Variants in RARB observed in about 807,000 individuals in gnomAD.
The protein encoded by RARB is HBV-activated protein.
RARB carries 17 observed loss-of-function variants against 51.9 expected under a neutral mutation model. The ratio of observed to expected loss-of-function variants is 0.33; its 90% CI spans 0.22 to 0.49. RARB has a LOEUF of 0.49. Ranked by LOEUF, RARB falls within the 20% of genes least tolerant of loss-of-function variation. The probability of loss-of-function intolerance (pLI) is 0.99; values close to 1 mark genes in which losing one functional copy is unlikely to be tolerated. For synonymous variants in RARB, 215 were observed against 195.4 expected (o/e 1.10, Z -0.84); for missense variants, 369 against 550.8 (o/e 0.67, Z 3.30).
chr3:25,007,618 T>C (rs954528548), intron 2 of RARB, among the ~76,000 whole-genome samples: 4 of 67,326 alleles, frequency 5.9e-5, no homozygotes, highest in Admixed American at 3.4e-4. Flanking sequence ...AAAAACCTCA[T>C]ATTTTCTGAA....
chr3:25,001,534 A>G (rs112028165), intron 2 of RARB, among the ~76,000 whole-genome samples: 36 of 152,264 alleles, frequency 2.4e-4, no homozygotes, highest in African/African-American at 8.2e-4. Context: ...GATGTTGGCA[A>G]GCCACCACAG....
chr3:25,240,086 T>G (rs1160313194), intron 5 of RARB, among the ~76,000 whole-genome samples: 1 of 152,058 alleles, frequency 6.6e-6, no homozygotes, highest in Non-Finnish European at 1.5e-5. Context: ...TGTTTGTTTG[T>G]TTTTGTAATT....
intron 1 of RARB, among the ~76,000 whole-genome samples, chr3:25,452,348 A>G (rs1258692495): frequency 6.6e-6 from 1 of 152,180 alleles, no homozygotes; most frequent in East Asian, 1.9e-4. Flanking sequence ...ATATGACAGC[A>G]CTTCCCGTGG....
intron 1 of RARB, among the ~76,000 whole-genome samples, chr3:25,454,007 C>T (rs1694756620): frequency 6.6e-6 from 1 of 152,154 alleles, no homozygotes; most frequent in Non-Finnish European, 1.5e-5. Context: ...TTGCAAAACC[C>T]ATGTGTGTGG....
chr3:25,020,532 C>A (rs1047612801), intron 2 of RARB: 5 of 152,082 alleles, frequency 3.3e-5, no homozygotes, highest in African/African-American at 1.2e-4. Flanking sequence ...TTGGAGAAAG[C>A]AAATTCGTCT....
intron 1 of RARB, among the ~76,000 whole-genome samples, chr3:25,456,761 A>C (rs1046538539): frequency 2.4e-4 from 36 of 149,370 alleles, no homozygotes; most frequent in Non-Finnish European, 4.4e-4. Context: ...AATTTTTCCA[A>C]AGATGATTTT....
intron 2 of RARB, chr3:25,020,165 G>T (rs1254147712): frequency 6.9e-6 from 1 of 145,552 alleles, no homozygotes; most frequent in South Asian, 2.2e-4. Context: ...TTTTATTTGA[G>T]AGAGGTGGGT....
At chr3:25,541,673 A>T (rs1029625660) in intron 3 of RARB, among the ~76,000 whole-genome samples, 1 of 152,214 alleles carries the variant, frequency 6.6e-6, no homozygotes, top group African/African-American at 2.4e-5. Context: ...TGGATATTTT[A>T]GGGAACTTCT....
rs558073352 is a variant in RARB, at chr3:24,853,585, G to A, written c.-458-5089G>A. Among the ~76,000 whole-genome samples the A allele has an allele frequency of 1.8e-4, 28 of 152,260 alleles. No individual in the cohort carries two copies. In the South Asian group the frequency reaches 5.8e-3, roughly 32 times the overall value. ...TACTAACATCTGAACACAATAGAAA[G>A]TCCAGTCAAATGTTAAATGCAAATC... On this transcript the variant is annotated intron_variant, in intron 1 of 11. Transcript: ENST00000383772.
At chr3:25,004,990 G>T (rs1697240402) in intron 2 of RARB, among the ~76,000 whole-genome samples, 1 of 152,042 alleles carries the variant, frequency 6.6e-6, no homozygotes, top group Non-Finnish European at 1.5e-5. Context: ...TAGTCTTGTA[G>T]TCATTCTTGA....
chr3:25,182,829 G>T (rs1426915237), intron 5 of RARB, among the ~76,000 whole-genome samples: 1 of 152,170 alleles, frequency 6.6e-6, no homozygotes, highest in African/African-American at 2.4e-5. Flanking sequence ...TTAAGATGAG[G>T]TTATTAGGGT....
chr3:24,904,447 C>G (rs948115467), intron 2 of RARB, among the ~76,000 whole-genome samples: 1 of 152,080 alleles, frequency 6.6e-6, no homozygotes, highest in Non-Finnish European at 1.5e-5. Context: ...AAATGCAAAT[C>G]AAAACCACAA....
At chr3:25,406,831 G>C (rs1575378111) in intron 5 of RARB, among the ~76,000 whole-genome samples, 1 of 152,112 alleles carries the variant, frequency 6.6e-6, no homozygotes, top group Admixed American at 6.5e-5. Context: ...TTGTGCTCAC[G>C]TATTTTACAT....
At chr3:25,297,090 A>G (rs1703932442) in intron 5 of RARB, among the ~76,000 whole-genome samples, 1 of 152,174 alleles carries the variant, frequency 6.6e-6, no homozygotes, top group African/African-American at 2.4e-5. Context: ...GTAGACTTAT[A>G]AGAGTTCCAT....
At chr3:25,593,811 G>T in intron 6 of RARB, 104 bp downstream of exon 6, 2 of 1,089,348 alleles carry the variant, frequency 1.8e-6, no homozygotes, top group Non-Finnish European at 1.3e-6. Context: ...TTTTACATGG[G>T]AAAACATGTG....
chr3:25,208,881 G>C (rs1486845082), intron 5 of RARB, among the ~76,000 whole-genome samples: 1 of 152,112 alleles, frequency 6.6e-6, no homozygotes, highest in East Asian at 1.9e-4. Flanking sequence ...TATCTTTAGA[G>C]TTCATCAAAA....
chr3:24,989,125 C>A (rs1174924676), intron 2 of RARB, among the ~76,000 whole-genome samples: 1 of 152,214 alleles, frequency 6.6e-6, no homozygotes, highest in Admixed American at 6.5e-5. Context: ...CGCACCCGGC[C>A]CACTTATTGT....
chr3:25,431,241 T>G (rs1434649927), intron 1 of RARB, among the ~76,000 whole-genome samples: 1 of 152,174 alleles, frequency 6.6e-6, no homozygotes, highest in Non-Finnish European at 1.5e-5. Flanking sequence ...CAACCAAAAC[T>G]ATTTTCTGCT....
intron 4 of RARB, among the ~76,000 whole-genome samples, chr3:25,157,436 T>C (rs1235004322): frequency 2.0e-5 from 3 of 151,340 alleles, no homozygotes; most frequent in Non-Finnish European, 4.4e-5. Context: ...CAGTGTCTCA[T>C]CCTGTCACCC....
Sources: gnomAD v4.1 joint callset for allele counts (sites outside exome capture counted in the v4.1 genomes callset) on GRCh38, gnomAD v4.1.1 for gene constraint, MANE v1.5 for transcripts, NCBI Gene and HGNC (gene_info 2026-07-23, HGNC 2026-07-21) for gene names.